Variants in CNTNAP2 observed in about 807,000 individuals in gnomAD.
CNTNAP2 encodes the protein contactin associated protein 2.
CNTNAP2 carries 98 observed loss-of-function variants against 155.2 expected under a neutral mutation model. That is an observed-to-expected ratio of 0.63 (90% CI 0.54 to 0.75). CNTNAP2 has a LOEUF of 0.75. Ranked by LOEUF, CNTNAP2 falls within the 30% of genes least tolerant of loss-of-function variation. The pLI is 0.00. For missense variants in CNTNAP2, 1,727 were observed against 1,688.1 expected, an observed-to-expected ratio of 1.02 and a Z score of -0.40; for synonymous variants, 651 against 631.2, an observed-to-expected ratio of 1.03 and a Z score of -0.47.
chr7:147,945,595 G>A (rs557235255), intron 14 of CNTNAP2, among the ~76,000 whole-genome samples: 1 of 151,932 alleles, frequency 6.6e-6, no homozygotes, highest in African/African-American at 2.4e-5. Context: ...AAAGAGAAAT[G>A]AGTTATTTAT....
In CNTNAP2 at chr7:146,705,522, T is replaced by G. The variant is rs189929592; in HGVS notation, c.98-68749T>G. On this transcript the variant is annotated intron_variant, in intron 1 of 23. Transcript: ENST00000361727. ...AAATGCTCCACCTCCTAATACAATC[T>G]TCTTGGTACAACGTATTAGTCTGTT... is the stretch of plus-strand genomic sequence containing the variant. Among the ~76,000 whole-genome samples the G allele has an allele frequency of 2.1e-4, 32 of 152,206 alleles. No homozygotes were observed. In the South Asian group the frequency reaches 6.2e-3, roughly 30 times the overall value.
At chr7:147,754,147 A>G (rs1029494901) in intron 13 of CNTNAP2, among the ~76,000 whole-genome samples, 2 of 152,244 alleles carry the variant, frequency 1.3e-5, no homozygotes, top group Admixed American at 1.3e-4. Flanking sequence ...AGACAAATTG[A>G]AAATCAAAAA....
At chr7:148,015,218 A>T (rs1376873210) in intron 15 of CNTNAP2, among the ~76,000 whole-genome samples, 1 of 151,620 alleles carries the variant, frequency 6.6e-6, no homozygotes, top group Admixed American at 6.6e-5. Flanking sequence ...TATTTTTTTA[A>T]AAAAGATGCA....
At chr7:146,265,236 T>C (rs182605482) in intron 1 of CNTNAP2, among the ~76,000 whole-genome samples, 1 of 152,268 alleles carries the variant, frequency 6.6e-6, no homozygotes, top group Non-Finnish European at 1.5e-5. Context: ...GTATGTACTA[T>C]AGATTATTAC....
chr7:147,461,959 T>A (rs887285026), intron 10 of CNTNAP2, among the ~76,000 whole-genome samples: 4 of 152,224 alleles, frequency 2.6e-5, no homozygotes. Flanking sequence ...TATATAAAAA[T>A]AATTAAAACA....
Position 147,562,265 on chromosome 7 carries a change from T to C in CNTNAP2, c.1897+8T>C, listed in dbSNP as rs769157591. 1 of 1,613,750 alleles carries C rather than the reference T, an allele frequency of 6.2e-7. No individual in the cohort carries two copies. The highest frequency in any genetic ancestry group is 1.7e-5 in the Admixed American group (1 of 60,024). On this transcript the variant is annotated splice_region_variant and intron_variant, in intron 12 of 23. Coordinates refer to ENST00000361727, the MANE Select transcript of CNTNAP2 (RefSeq NM_014141.6). ...TTTACTGCAACATGACAGGTAACTG[T>C]GTCATATTTATGTTTTATGAAGATG...
chr7:147,603,529 T>G (rs1184950320), intron 12 of CNTNAP2, among the ~76,000 whole-genome samples: 1 of 152,146 alleles, frequency 6.6e-6, no homozygotes, highest in Non-Finnish European at 1.5e-5. Flanking sequence ...GTGAAGGACC[T>G]CTTCAAGGAG....
intron 4 of CNTNAP2, among the ~76,000 whole-genome samples, chr7:147,091,291 T>C (rs1035080194): frequency 1.3e-5 from 2 of 152,048 alleles, no homozygotes; most frequent in Non-Finnish European, 2.9e-5. Flanking sequence ...CATGATGCTA[T>C]TGACTCAACT....
intron 15 of CNTNAP2, among the ~76,000 whole-genome samples, chr7:148,042,816 T>G (rs1802703912): frequency 6.6e-6 from 1 of 152,142 alleles, no homozygotes; most frequent in South Asian, 2.1e-4. Context: ...CTATGGCCAC[T>G]GTATGTTGAA....
At chr7:146,181,286 G>A (rs1798545684) in intron 1 of CNTNAP2, among the ~76,000 whole-genome samples, 2 of 152,066 alleles carry the variant, frequency 1.3e-5, no homozygotes, top group African/African-American at 2.4e-5. Flanking sequence ...AGAGTTGGGT[G>A]TTTCAGCTCT....
intron 8 of CNTNAP2, among the ~76,000 whole-genome samples, chr7:147,246,517 T>G (rs576784413): frequency 6.6e-6 from 1 of 152,284 alleles, no homozygotes; most frequent in East Asian, 1.9e-4. Flanking sequence ...CTTTTTGCTG[T>G]GTCCTCATAC....
chr7:147,526,911 A>G (rs1354495847), intron 11 of CNTNAP2, among the ~76,000 whole-genome samples: 1 of 151,626 alleles, frequency 6.6e-6, no homozygotes, highest in Non-Finnish European at 1.5e-5. Context: ...CCACGGATTA[A>G]GTTTTTCTGT....
chr7:147,438,353 G>A (rs999360494), intron 10 of CNTNAP2, among the ~76,000 whole-genome samples: 1 of 151,966 alleles, frequency 6.6e-6, no homozygotes, highest in South Asian at 2.1e-4. Context: ...TAATTTTTCA[G>A]CATCAGTTGA....
intron 1 of CNTNAP2, among the ~76,000 whole-genome samples, chr7:146,222,694 C>T (rs534289194): frequency 1.4e-5 from 2 of 145,218 alleles, no homozygotes; most frequent in African/African-American, 2.5e-5. Context: ...TCTCGCTTGT[C>T]GCCCAGGCTG....
intron 2 of CNTNAP2, among the ~76,000 whole-genome samples, chr7:146,782,497 G>A (rs1377663104): frequency 6.6e-6 from 1 of 152,084 alleles, no homozygotes; most frequent in Non-Finnish European, 1.5e-5. Context: ...AGCTGACCAA[G>A]GACAAGCATG....
intron 15 of CNTNAP2, among the ~76,000 whole-genome samples, chr7:148,073,221 A>G (rs1338326361): frequency 1.3e-5 from 2 of 152,192 alleles, no homozygotes; most frequent in African/African-American, 2.4e-5. Context: ...TAGGCTGCGT[A>G]GTATAAGATA....
intron 14 of CNTNAP2, among the ~76,000 whole-genome samples, chr7:147,972,162 T>C (rs1250403038): frequency 2.0e-5 from 3 of 152,222 alleles, no homozygotes; most frequent in African/African-American, 7.2e-5. Context: ...CTATGAGATA[T>C]CTTCTGTAGC....
intron 1 of CNTNAP2, among the ~76,000 whole-genome samples, chr7:146,652,800 C>T (rs1311752691): frequency 1.3e-5 from 2 of 152,038 alleles, no homozygotes; most frequent in Non-Finnish European, 2.9e-5. Context: ...TTTGATTTGA[C>T]ATTATAATTT....
chr7:146,254,926 G>A (rs1358421903), intron 1 of CNTNAP2, among the ~76,000 whole-genome samples: 1 of 151,416 alleles, frequency 6.6e-6, no homozygotes, highest in Non-Finnish European at 1.5e-5. Flanking sequence ...ACTTAAATTG[G>A]AAACAAATTG....
Sources: gnomAD v4.1 joint callset for allele counts (sites outside exome capture counted in the v4.1 genomes callset) on GRCh38, gnomAD v4.1.1 for gene constraint, MANE v1.5 for transcripts, NCBI Gene and HGNC (gene_info 2026-07-23, HGNC 2026-07-21) for gene names.